The following GPAT3 variants were observed in gnomAD, a reference collection of about 807,000 sequenced individuals.
GPAT3 encodes the protein 1-AGP acyltransferase 9.
In GPAT3, 53 loss-of-function variants were observed where a neutral mutation model predicts 58.8. The ratio of observed to expected loss-of-function variants is 0.90; its 90% CI spans 0.72 to 1.13. The LOEUF (loss-of-function observed/expected upper bound fraction) is 1.13, where lower values mean the gene tolerates loss of function less well. Among genes scored for constraint, GPAT3 ranks in the 50% most tolerant of loss-of-function variants. The pLI is 0.00. For synonymous variants in GPAT3, 197 were observed against 187.4 expected, an observed-to-expected ratio of 1.05 and a Z score of -0.42; for missense variants, 511 against 527.6, an observed-to-expected ratio of 0.97 and a Z score of 0.31.
At chr4:83,572,342 G>A (rs554372497) in intron 2 of GPAT3, among the ~76,000 whole-genome samples, 1 of 152,280 alleles carries the variant, frequency 6.6e-6, no homozygotes, top group Non-Finnish European at 1.5e-5. Context: ...CAGCTAAGCT[G>A]ATATCTCCAA....
intron 1 of GPAT3, among the ~76,000 whole-genome samples, chr4:83,544,100 G>A (rs1437408740): frequency 1.3e-5 from 2 of 152,178 alleles, no homozygotes; most frequent in Non-Finnish European, 1.5e-5. Flanking sequence ...GCCCTTACAT[G>A]TGTCATCTTG....
chr4:83,567,027 G>T (rs532469326), intron 2 of GPAT3, among the ~76,000 whole-genome samples: 51 of 152,140 alleles, frequency 3.4e-4, no homozygotes, highest in African/African-American at 1.2e-3. Flanking sequence ...ACTGTATATG[G>T]TTTTTCAGGA....
At chr4:83,547,334 G>T (rs755349851) in intron 2 of GPAT3, among the ~76,000 whole-genome samples, 1 of 139,912 alleles carries the variant, frequency 7.1e-6, no homozygotes, top group Admixed American at 7.8e-5. Context: ...CTCACTGCAA[G>T]CTCCGCCTCC....
intron 2 of GPAT3, among the ~76,000 whole-genome samples, chr4:83,579,663 A>G (rs1005545575): frequency 1.3e-5 from 2 of 152,156 alleles, no homozygotes; most frequent in African/African-American, 2.4e-5. Flanking sequence ...AAATCCCCAT[A>G]TATCCCACAC....
At chr4:83,569,836 G>GT (rs1252956147) in intron 2 of GPAT3, among the ~76,000 whole-genome samples, 1 of 150,946 alleles carries the variant, frequency 6.6e-6, no homozygotes, top group Non-Finnish European at 1.5e-5. Flanking sequence ...TCCTGCCTCA[G>GT]TTAAAAAAAA....
At chr4:83,554,801 C>CTTTTTT (rs34785812) in intron 2 of GPAT3, among the ~76,000 whole-genome samples, 20 of 129,956 alleles carry the variant, frequency 1.5e-4, no homozygotes, top group Non-Finnish European at 2.9e-4. Flanking sequence ...GAAGCTCCCT[C>CTTTTTT]TTTTTTTTTT....
intron 6 of GPAT3, among the ~76,000 whole-genome samples, chr4:83,592,331 A>T (rs1290412076): frequency 1.3e-5 from 2 of 152,200 alleles, no homozygotes; most frequent in Admixed American, 1.3e-4. Flanking sequence ...CTGAATTTAA[A>T]TTGGAGGTGG....
chr4:83,555,214 G>T (rs968875278), intron 2 of GPAT3, among the ~76,000 whole-genome samples: 1 of 152,160 alleles, frequency 6.6e-6, no homozygotes, highest in Non-Finnish European at 1.5e-5. Context: ...TGGCATCTCT[G>T]CAGTGATAAG....
At position 83,562,190 on chromosome 4, in the gene GPAT3, TATATATATA is replaced by T. The variant is rs1321869221; in HGVS notation, c.208+17598_208+17606del. On this transcript the variant is annotated intron_variant, in intron 2 of 11. Coordinates refer to ENST00000264409, the MANE Select transcript of GPAT3 (RefSeq NM_032717.5). ...AGTTATTTTATATATTATATATATA[TATATATATA>T]ATATATATATATTATATATATATAT... Among the ~76,000 whole-genome samples, 393 of 87,304 alleles carry T rather than the reference TATATATATA, an allele frequency of 4.5e-3. 6 individuals carry two copies. The highest frequency in any genetic ancestry group is 0.025 in the African/African-American group (300 of 12,022). 57.3% of individuals were successfully genotyped at this position (87,304 alleles called of 152,430 possible). A position where few individuals can be genotyped will look rare whatever the true frequency, so the allele number is the denominator to read the frequency against.
chr4:83,592,166 A>G (rs928274048), intron 6 of GPAT3, among the ~76,000 whole-genome samples: 6 of 152,228 alleles, frequency 3.9e-5, no homozygotes, highest in Non-Finnish European at 7.3e-5. Context: ...AGAGTTGAGT[A>G]TAACCCATTT....
At chr4:83,543,116 A>C (rs1476671646) in intron 1 of GPAT3, among the ~76,000 whole-genome samples, 1 of 152,204 alleles carries the variant, frequency 6.6e-6, no homozygotes, top group Admixed American at 6.5e-5. Flanking sequence ...TCTGGTCGAC[A>C]AGGTGAAACC....
Position 83,581,523 on chromosome 4 carries a change from C to T in GPAT3, c.209-39C>T, listed in dbSNP as rs57940234. ...TTGCCCTTTTGGTCAATTCTTCTGT[C>T]GTATGGCATTTTCTCATGTCCTGAT... On this transcript the variant is annotated intron_variant, in intron 2 of 11. Coordinates refer to ENST00000264409, the MANE Select transcript of GPAT3 (RefSeq NM_032717.5). 2,186 of 1,586,908 alleles carry T rather than the reference C, an allele frequency of 1.4e-3. 21 individuals carry two copies. In the African/African-American group the frequency reaches 0.026, roughly 19 times the overall value.
At chr4:83,540,299 T>C (rs1385223387) in intron 1 of GPAT3, among the ~76,000 whole-genome samples, 1 of 152,122 alleles carries the variant, frequency 6.6e-6, no homozygotes, top group Non-Finnish European at 1.5e-5. Context: ...CAACTTTCCT[T>C]GGGGGGCAGA....
At chr4:83,576,888 G>A (rs1272998763) in intron 2 of GPAT3, among the ~76,000 whole-genome samples, 4 of 152,120 alleles carry the variant, frequency 2.6e-5, no homozygotes, top group Admixed American at 2.6e-4. Context: ...TATTTACGTA[G>A]TCTCAAAGTA....
At chr4:83,545,412 C>T (rs1297691000) in intron 2 of GPAT3, among the ~76,000 whole-genome samples, 1 of 150,694 alleles carries the variant, frequency 6.6e-6, no homozygotes, top group Middle Eastern at 3.2e-3. Context: ...TGCCACTGCA[C>T]TCTGGCCTGG....
At chr4:83,542,619 T>G (rs1023765923) in intron 1 of GPAT3, among the ~76,000 whole-genome samples, 1 of 152,254 alleles carries the variant, frequency 6.6e-6, no homozygotes, top group Non-Finnish European at 1.5e-5. Context: ...TGTTCTTATT[T>G]ATTTGAAAAA....
chr4:83,535,696 T>TCTCC (rs1207500092), upstream of GPAT3: 75 of 985,168 alleles, frequency 7.6e-5, no homozygotes, highest in Non-Finnish European at 8.3e-5. Context: ...CTTCCTACTC[T>TCTCC]CGGGATAAGC....
rs1578200886 is a variant in GPAT3, at chr4:83,598,227, CT to C, written c.1125+50del. 19 of 1,580,468 alleles carry C rather than the reference CT, an allele frequency of 1.2e-5. No homozygotes were observed. The East Asian group carries it at 4.3e-4, about 36-fold the overall frequency. ...TCTAATCAGGTAGAGGCAAGGAGAT[CT>C]TCACCTGAAAATCTGGGTGTCTCCC... On this transcript the variant is annotated intron_variant, in intron 10 of 11. Transcript: ENST00000264409.
chr4:83,579,030 CTTTCTTT>C (rs1725961641), intron 2 of GPAT3, among the ~76,000 whole-genome samples: 8 of 23,062 alleles, frequency 3.5e-4, no homozygotes, highest in African/African-American at 1.1e-3. Flanking sequence ...TTCTTTCTTT[CTTTCTTT>C]CTTTCTTTCT....
Sources: gnomAD v4.1 joint callset for allele counts (sites outside exome capture counted in the v4.1 genomes callset) on GRCh38, gnomAD v4.1.1 for gene constraint, MANE v1.5 for transcripts, NCBI Gene and HGNC (gene_info 2026-07-23, HGNC 2026-07-21) for gene names.